The following GBA2 variants were observed in gnomAD, a reference collection of about 807,000 sequenced individuals.
GBA2 encodes glucosylceramidase beta 2, also known as non-lysosomal glucosylceramidase.
A neutral mutation model predicts 112.9 loss-of-function variants in GBA2; 79 were observed. The ratio of observed to expected loss-of-function variants is 0.70; its 90% CI spans 0.58 to 0.84. The LOEUF (loss-of-function observed/expected upper bound fraction) is 0.84. GBA2 is among the 40% of genes least tolerant of loss of function. The pLI, the probability that GBA2 is intolerant of heterozygous loss-of-function variation, is 0.00. For synonymous variants in GBA2, 403 were observed against 434.3 expected (o/e 0.93, Z 0.90); for missense variants, 1,043 against 1,190.0 (o/e 0.88, Z 1.82).
rs757000051 is a variant in GBA2, at chr9:35,739,417, G to A, written c.1585C>T (p.Gln529Ter). 3.1e-6 allele frequency: 5 copies of A among 1,602,296 alleles called. No individual in the cohort carries two copies. The highest frequency in any genetic ancestry group is 1.1e-5 in the South Asian group (1 of 90,848). Residue 529 changes from glutamine (Q) to a stop codon, truncating the protein, a stop_gained and splice_region_variant, in exon 10 of 17, where the codon CAG (glutamine) becomes TAG (stop). Transcript: ENST00000378103. LOFTEE classifies it high-confidence loss of function. ...TATGTGTTGTACATGCGGTACTCCT[G>A]GCCTGGAGGAATGAATGAGACACAC... ...DYGRFGYLEG[Q>*]EYRMYNTYDV... is the part of the protein sequence containing the mutation.
Position 35,737,173 on chromosome 9 carries a change from T to C in GBA2, c.2780A>G (p.Glu927Gly). ...PKEAMANLSP[E>G] ...CCCTCCCACAGTTCAGACGGCTCAC[T>C]CTGGGCTCAGGTTTGCCATGGCTTC... The change falls in exon 17 of 17, where the codon GAG (glutamate) becomes GGG (glycine). Residue 927 changes from glutamate (E) to glycine (G), a missense_variant. Glu to Gly is a moderately conservative substitution (Grantham distance 98, BLOSUM62 -2). Coordinates refer to ENST00000378103, the MANE Select transcript of GBA2 (RefSeq NM_020944.3). This position sits in a 1 kb window ranked among gnomAD's most constrained non-coding sequence, Gnocchi z 4.1. 1.2e-6 allele frequency: 2 copies of C among 1,604,510 alleles called. No homozygotes were observed. The highest frequency in any genetic ancestry group is 8.5e-7 in the Non-Finnish European group (1 of 1,179,050).
chr9:35,746,890 A>T lies in GBA2; in HGVS notation c.359+1456T>A, dbSNP rs1826995465. Among the ~76,000 whole-genome samples, 1 of 152,186 alleles carries T rather than the reference A, an allele frequency of 6.6e-6. No individual in the cohort carries two copies. Among genetic ancestry groups the T allele is most frequent in the African/African-American group, 2.4e-5 (1 of 41,444 alleles). On this transcript the variant is annotated intron_variant, in intron 1 of 16. Transcript: ENST00000378103. The surrounding 1 kb of genome is among the most constrained non-coding windows in gnomAD (Gnocchi z 5.2). Reference sequence around the variant, plus strand: ...TGGACTCTGGCTGGAAGGGAGAACAATTGAAATTGAGTTCTTACGAAGGTA... The same window carrying T: ...TGGACTCTGGCTGGAAGGGAGAACATTTGAAATTGAGTTCTTACGAAGGTA...
At chr9:35,738,938 T>C (rs1294474330) in intron 11 of GBA2, 35 bp from the exon 12 acceptor site, 1 of 1,612,620 alleles carries the variant, frequency 6.2e-7, no homozygotes, top group African/African-American at 1.3e-5. Context: ...TCACTTGCAT[T>C]GGTGGATAGG....
At chr9:35,745,563 T>A (rs929656773) in intron 1 of GBA2, among the ~76,000 whole-genome samples, 14 of 150,580 alleles carry the variant, frequency 9.3e-5, no homozygotes, top group Non-Finnish European at 1.9e-4. Context: ...TTTTTTTTTT[T>A]AAATTCAACA....
chr9:35,743,176 T>C (rs1826795167), intron 3 of GBA2: 1 of 153,774 alleles, frequency 6.5e-6, no homozygotes, highest in South Asian at 2.1e-4. Context: ...CTGTATAAAA[T>C]AATTTTTCAT....
Position 35,739,685 on chromosome 9 carries a change from T to A in GBA2, c.1525A>T (p.Asn509Tyr), listed in dbSNP as rs1305395279. 1.9e-6 allele frequency: 3 copies of A among 1,614,122 alleles called. No homozygotes were observed. The highest frequency in any genetic ancestry group is 3.3e-5 in the Admixed American group (2 of 60,010). The part of the protein sequence containing the change: ...EDSLPEELGR[N>Y]MCHLRPTLRD... ...AGGGTGGGGCGGAGGTGACACATGT[T>A]TCTGCCCAGCTCCTCTGGTAGGGAG... Residue 509 changes from asparagine (N) to tyrosine (Y), a missense_variant, in exon 9 of 17, where the codon AAC becomes TAC. Physicochemically the swap from Asn to Tyr is moderately radical, Grantham distance 143. Coordinates refer to ENST00000378103, the MANE Select transcript of GBA2 (RefSeq NM_020944.3).
chr9:35,742,686 C>T (rs753440403), intron 3 of GBA2, among the ~76,000 whole-genome samples: 1 of 152,086 alleles, frequency 6.6e-6, no homozygotes, highest in Non-Finnish European at 1.5e-5. Flanking sequence ...TCTGCAGCAC[C>T]GTCCCTTTTT....
Position 35,737,096 on chromosome 9 carries a change from G to A in GBA2, c.*73C>T. ...TCCTGATGGCTCAGGGTTGCAGGAG[G>A]TTCAGAGGGGAAGGAGGAAAGGCCA... On this transcript the variant is annotated 3_prime_UTR_variant, in exon 17 of 17. Transcript: ENST00000378103. This position sits in a 1 kb window ranked among gnomAD's most constrained non-coding sequence, Gnocchi z 4.1. 1 of 1,548,710 alleles carries A rather than the reference G, an allele frequency of 6.5e-7. No individual in the cohort carries two copies. Among genetic ancestry groups the A allele is most frequent in the Admixed American group, 1.8e-5 (1 of 55,090 alleles).
chr9:35,737,562 AG>A lies in GBA2; in HGVS notation c.2506-116del, dbSNP rs1256010352. On this transcript the variant is annotated intron_variant, in intron 16 of 16. Transcript: ENST00000378103. The surrounding 1 kb of genome is among the most constrained non-coding windows in gnomAD (Gnocchi z 4.1). ...CCTTCAAGGAGCTCCCAGCAAGTGG[AG>A]GAGATAACTATGACCCACAGACAGA... 10 of 1,555,918 alleles carry A rather than the reference AG, an allele frequency of 6.4e-6. No homozygotes were observed. Among genetic ancestry groups the A allele is most frequent in the Non-Finnish European group, 8.7e-6 (10 of 1,147,758 alleles).
rs781401822 is a variant in GBA2, at chr9:35,740,940, C to T, written c.911G>A (p.Gly304Asp). The change falls in exon 5 of 17, where the codon GGT (glycine) becomes GAT (aspartate). Residue 304 changes from glycine to aspartate, a missense_variant. Gly to Asp is a moderately conservative substitution (Grantham distance 94). Coordinates refer to ENST00000378103, the MANE Select transcript of GBA2 (RefSeq NM_020944.3). This position sits in a 1 kb window ranked among gnomAD's most constrained non-coding sequence, Gnocchi z 4.7. ...GLGGGDDAPG[G>D]LWNEPFCLER... The stretch of plus-strand genomic sequence containing the variant: ...CAGACAGAAGGGCTCATTCCACAAA[C>T]CCCCTGGGGCATCGTCTCCACCACC... 6.2e-7 allele frequency: 1 copy of T among 1,614,152 alleles called. No homozygotes were observed. Among genetic ancestry groups the T allele is most frequent in the East Asian group, 2.2e-5 (1 of 44,878 alleles).
rs765984076 is a variant in GBA2, at chr9:35,744,427, G to A, written c.452-15C>T. 2 of 1,438,586 alleles carry A rather than the reference G, an allele frequency of 1.4e-6. No homozygotes were observed. The highest frequency in any genetic ancestry group is 2.0e-6 in the Non-Finnish European group (2 of 1,019,554). The allele number at this position is 1,438,586 out of a possible 1,614,324, so 89.1% of individuals were successfully genotyped here. ...CAAGGGACAACCTAGAGAAATCAGG[G>A]TGGTTAGTGGGGTATTGGGAGAGGA... On this transcript the variant is annotated splice_polypyrimidine_tract_variant and intron_variant, in intron 2 of 16. Coordinates refer to ENST00000378103, the MANE Select transcript of GBA2 (RefSeq NM_020944.3).
rs778341467 is a variant in GBA2 at position 35,748,540 on chromosome 9, T to C, written c.165A>G (p.Lys55=). ...CKSPEDSRPP[K]ETDCCNPEDS... is the part of the protein sequence containing the mutation. The stretch of plus-strand genomic sequence containing the variant: ...CCTCCGGATTGCAGCAGTCCGTCTC[T>C]TTTGGGGGTCGGCTGTCTTCGGGAC... Residue 55 remains lysine, a synonymous_variant, in exon 1 of 17, where the codon AAA becomes AAG. Transcript: ENST00000378103. The C allele has an allele frequency of 6.2e-7, 1 of 1,614,164 alleles. No individual in the cohort carries two copies. The highest frequency in any genetic ancestry group is 1.1e-5 in the South Asian group (1 of 91,082).
At position 35,748,781 on chromosome 9, in the gene GBA2, G is replaced by C. The variant is rs1457713031; in HGVS notation, c.-77C>G. On this transcript the variant is annotated 5_prime_UTR_variant, in exon 1 of 17. Transcript: ENST00000378103. ...CCTATTCCAGATGCGGGCGCCGGTC[G>C]TTGTTAGGTATCGTCCCGGAGGGCC... 1 of 901,186 alleles carries C rather than the reference G, an allele frequency of 1.1e-6. No individual in the cohort carries two copies. The highest frequency in any genetic ancestry group is 1.7e-5 in the African/African-American group (1 of 59,878). 55.8% of individuals were successfully genotyped at this position (901,186 alleles called of 1,614,324 possible). A position where few individuals can be genotyped will look rare whatever the true frequency, so the allele number is the denominator to read the frequency against.
At position 35,738,754 on chromosome 9, in the gene GBA2, GAC is replaced by G; in HGVS notation, c.1943_1944del (p.Cys648SerfsTer7). 1 of 1,614,032 alleles carries G rather than the reference GAC, an allele frequency of 6.2e-7. No individual in the cohort carries two copies. The highest frequency in any genetic ancestry group is 8.5e-7 in the Non-Finnish European group (1 of 1,179,888). On this transcript the variant is annotated frameshift_variant, in exon 12 of 17. Transcript: ENST00000378103. LOFTEE classifies it high-confidence loss of function. Reference sequence around the variant, plus strand: ...GCCACTGCATGTGCATCCCTTACTAGACACACAGGCCACATGTCCTTCAGGAA... The same window carrying G: ...GCCACTGCATGTGCATCCCTTACTAGACACAGGCCACATGTCCTTCAGGAA... Reference protein sequence around the residue: ...QNFLKDMWPVCLAVMESEMKF... With the variant: ...QNFLKDMWPVXLAVMESEMKF...
intron 1 of GBA2, among the ~76,000 whole-genome samples, chr9:35,747,165 G>C (rs956984096): frequency 2.6e-5 from 4 of 152,118 alleles, no homozygotes; most frequent in African/African-American, 9.7e-5. Flanking sequence ...TCCTGGAATG[G>C]GGAGCCAGGG....
Position 35,740,963 on chromosome 9 carries a change from AC to A in GBA2, c.887del (p.Gly296ValfsTer52). 1.2e-6 allele frequency: 2 copies of A among 1,614,102 alleles called. No homozygotes were observed. The highest frequency in any genetic ancestry group is 1.7e-6 in the Non-Finnish European group (2 of 1,179,976). ...SIMFSMRNGL[G>X]GGDDAPGGLW... ...AACCCCCTGGGGCATCGTCTCCACC[AC>A]CCAGTCCATTCCGCATGGAGAACAT... On this transcript the variant is annotated frameshift_variant, in exon 5 of 17. Transcript: ENST00000378103. LOFTEE classifies it high-confidence loss of function. This position sits in a 1 kb window ranked among gnomAD's most constrained non-coding sequence, Gnocchi z 4.7.
chr9:35,743,239 G>T (rs979012197), intron 3 of GBA2: 1 of 153,776 alleles, frequency 6.5e-6, no homozygotes, highest in Non-Finnish European at 1.5e-5. Flanking sequence ...ACCCCAGAAA[G>T]AAATGGTTCT....
Position 35,737,845 on chromosome 9 carries a change from C to T in GBA2, c.2408G>A (p.Gly803Glu). ...ATCAGGGACACCATGGGGCTGCATC[C>T]CATTCACAGCCCCCATGGCCCCTCC... Reference protein sequence around the residue: ...FAGGAMGAVNGMQPHGVPDKS... With the variant: ...FAGGAMGAVNEMQPHGVPDKS... The change falls in exon 16 of 17, where the codon GGG becomes GAG. Residue 803 changes from glycine to glutamate, a missense_variant. Physicochemically the swap from Gly to Glu is moderately conservative, Grantham distance 98. Coordinates refer to ENST00000378103, the MANE Select transcript of GBA2 (RefSeq NM_020944.3). The surrounding 1 kb of genome is among the most constrained non-coding windows in gnomAD (Gnocchi z 4.1). The T allele has an allele frequency of 6.2e-7, 1 of 1,613,028 alleles. No individual in the cohort carries two copies. The highest frequency in any genetic ancestry group is 8.5e-7 in the Non-Finnish European group (1 of 1,179,114).
In GBA2 at chr9:35,744,277, C is replaced by T. The variant is rs1198035344; in HGVS notation, c.567+20G>A. 7.0e-7 allele frequency: 1 copy of T among 1,430,046 alleles called. No homozygotes were observed. The highest frequency in any genetic ancestry group is 1.1e-5 in the South Asian group (1 of 87,364). The allele number at this position is 1,430,046 out of a possible 1,614,324, so 88.6% of individuals were successfully genotyped here. On this transcript the variant is annotated intron_variant, in intron 3 of 16. Coordinates refer to ENST00000378103, the MANE Select transcript of GBA2 (RefSeq NM_020944.3). ...GCCTGGGGAGGTATTGTCCTGGCCT[C>T]TCCACCTCCTGGCTCTTACTTGGTC... is the stretch of plus-strand genomic sequence containing the variant.
Sources: gnomAD v4.1 joint callset for allele counts (sites outside exome capture counted in the v4.1 genomes callset) on GRCh38, gnomAD v4.1.1 for gene constraint, Gnocchi (gnomAD v3.1) non-coding constraint, MANE v1.5 for transcripts, NCBI Gene and HGNC (gene_info 2026-07-23, HGNC 2026-07-21) for gene names.